GASK1A: variants seen among roughly 807,000 people sequenced by gnomAD.
GASK1A encodes Golgi-associated kinase 1A.
GASK1A carries 40 observed loss-of-function variants against 41.2 expected under a neutral mutation model. The observed-to-expected ratio is 0.97, with a 90% CI of 0.75 to 1.27. The LOEUF (loss-of-function observed/expected upper bound fraction) is 1.27, where lower values mean the gene tolerates loss of function less well. GASK1A is among the 50% of genes most tolerant of loss of function. The pLI is 0.00. For missense variants in GASK1A, 678 were observed against 745.1 expected, an observed-to-expected ratio of 0.91 and a Z score of 1.05; for synonymous variants, 316 against 307.1, an observed-to-expected ratio of 1.03 and a Z score of -0.30.
chr3:43,016,555 TGGAAGGGGCTGTGAGAGTTCACA>T (rs2089492370), intron 1 of GASK1A, among the ~76,000 whole-genome samples: 1 of 133,188 alleles, frequency 7.5e-6, no homozygotes, highest in Admixed American at 7.3e-5. Flanking sequence ...GTGAAGCCAC[TGGAAGGGGCTGTGAGAGTTCACA>T]GGAAGGGGCT....
chr3:43,028,160 T>A (rs2089554568), intron 1 of GASK1A, among the ~76,000 whole-genome samples: 1 of 152,244 alleles, frequency 6.6e-6, no homozygotes, highest in African/African-American at 2.4e-5. Context: ...AGTTGGAGCC[T>A]CTAGGTAGCT....
intron 1 of GASK1A, among the ~76,000 whole-genome samples, chr3:42,990,937 C>A (rs2089337568): frequency 6.6e-6 from 1 of 152,090 alleles, no homozygotes; most frequent in East Asian, 1.9e-4. Context: ...CCTGGGGGAA[C>A]TATGGGCATG....
intron 1 of GASK1A, among the ~76,000 whole-genome samples, chr3:43,002,745 G>A (rs1363651525): frequency 6.6e-6 from 1 of 152,084 alleles, no homozygotes; most frequent in East Asian, 1.9e-4. Flanking sequence ...TTATTAAAAT[G>A]AGTTTCAATT....
In GASK1A at chr3:42,984,386, G is replaced by A. The variant is rs1411304246; in HGVS notation, c.3+4741G>A. Among the ~76,000 whole-genome samples, 4 of 151,606 alleles carry A rather than the reference G, an allele frequency of 2.6e-5. No homozygotes were observed. Among genetic ancestry groups the A allele is most frequent in the East Asian group, 1.9e-4 (1 of 5,174 alleles). ...TATACTCATACACACACATGTGCAC[G>A]CACACACACACTCACGCATGCACAC... is the stretch of plus-strand genomic sequence containing the variant. On this transcript the variant is annotated intron_variant, in intron 1 of 4. Transcript: ENST00000430121. The surrounding 1 kb of genome is among the most constrained non-coding windows in gnomAD (Gnocchi z 4.2).
intron 2 of GASK1A, among the ~76,000 whole-genome samples, chr3:43,047,611 C>T (rs945050688): frequency 6.6e-5 from 10 of 152,178 alleles, no homozygotes; most frequent in South Asian, 2.1e-4. Flanking sequence ...TTCTATTCCA[C>T]GGTTGTTGAG....
At chr3:42,979,918 C>T (rs1324498928) in intron 1 of GASK1A, among the ~76,000 whole-genome samples, 6 of 152,112 alleles carry the variant, frequency 3.9e-5, no homozygotes. Context: ...GTAACCCACT[C>T]GCAACTCTGC....
intron 1 of GASK1A, among the ~76,000 whole-genome samples, chr3:43,006,105 C>A (rs2089434782): frequency 6.6e-6 from 1 of 152,046 alleles, no homozygotes; most frequent in Admixed American, 6.6e-5. Flanking sequence ...ATGTACTTAT[C>A]ACAAGCCAAC....
intron 1 of GASK1A, among the ~76,000 whole-genome samples, chr3:43,026,425 A>G (rs1467368932): frequency 6.6e-6 from 1 of 152,240 alleles, no homozygotes; most frequent in Non-Finnish European, 1.5e-5. Context: ...GACAAAGAAC[A>G]GCAATGTTTC....
In GASK1A at chr3:43,032,557, A is replaced by G. The variant is rs1339728446; in HGVS notation, c.294A>G (p.Arg98=). 1.3e-6 allele frequency: 2 copies of G among 1,550,176 alleles called. No homozygotes were observed. The highest frequency in any genetic ancestry group is 8.7e-7 in the Non-Finnish European group (1 of 1,145,778). The change falls in exon 2 of 5, where the codon AGA becomes AGG. Residue 98 remains arginine, a synonymous_variant. Coordinates refer to ENST00000430121, the MANE Select transcript of GASK1A (RefSeq NM_001129908.3). The stretch of plus-strand genomic sequence containing the variant: ...TCTGTGCTGAGGAGCAAGGCCATAG[A>G]GCAAGAGTGGACAGAAGCAGGGAGT... ...ILVCAEEQGH[R]ARVDRSRESP...
chr3:43,014,671 T>A (rs1367114503), intron 1 of GASK1A, among the ~76,000 whole-genome samples: 1 of 151,688 alleles, frequency 6.6e-6, no homozygotes, highest in African/African-American at 2.4e-5. Flanking sequence ...GAAGTGGCCA[T>A]GTGAAGTCAC....
At chr3:42,992,236 C>CT (rs2089345047) in intron 1 of GASK1A, among the ~76,000 whole-genome samples, 1 of 152,114 alleles carries the variant, frequency 6.6e-6, no homozygotes, top group Non-Finnish European at 1.5e-5. Context: ...TAATATCTTA[C>CT]TCGGTGTGGT....
intron 1 of GASK1A, among the ~76,000 whole-genome samples, chr3:43,017,744 C>T (rs9862469): frequency 0.18 from 27,133 of 150,430 alleles, 2,516 homozygotes; most frequent in Non-Finnish European, 0.2. Flanking sequence ...AGCGTGAAGC[C>T]ACAGGGGGCC....
chr3:42,996,126 G>T (rs1320295682), intron 1 of GASK1A, among the ~76,000 whole-genome samples: 1 of 151,838 alleles, frequency 6.6e-6, no homozygotes, highest in Non-Finnish European at 1.5e-5. Flanking sequence ...CAAACAGGGG[G>T]ACATAAGAGA....
chr3:43,010,383 T>C (rs2089457639), intron 1 of GASK1A, among the ~76,000 whole-genome samples: 1 of 152,256 alleles, frequency 6.6e-6, no homozygotes, highest in African/African-American at 2.4e-5. Flanking sequence ...TTCTTGAGGC[T>C]TTCTCAAATC....
intron 1 of GASK1A, among the ~76,000 whole-genome samples, chr3:42,994,354 G>A (rs1359293363): frequency 6.6e-6 from 1 of 152,200 alleles, no homozygotes; most frequent in South Asian, 2.1e-4. Context: ...GGCAGGAGCC[G>A]GGCCTAGGGG....
intron 2 of GASK1A, among the ~76,000 whole-genome samples, chr3:43,047,657 A>T (rs2089670731): frequency 6.6e-6 from 1 of 151,390 alleles, no homozygotes; most frequent in Non-Finnish European, 1.5e-5. Flanking sequence ...CTTCTCTCAT[A>T]CTCTTCTTCT....
chr3:43,054,129 C>T (rs180748087), intron 3 of GASK1A: 4 of 265,198 alleles, frequency 1.5e-5, no homozygotes, highest in Admixed American at 4.8e-5. Flanking sequence ...AGCAATGTGC[C>T]GAGGCCATTG....
At chr3:43,000,238 G>GAGACCAGTGTGGCCTT (rs6147800) in intron 1 of GASK1A, among the ~76,000 whole-genome samples, 20 of 151,998 alleles carry the variant, frequency 1.3e-4, no homozygotes, top group Admixed American at 1.3e-3. Flanking sequence ...GGGGCCGAGT[G>GAGACCAGTGTGGCCTT]TCCAATGCTT....
chr3:42,997,444 G>T (rs887692648), intron 1 of GASK1A, among the ~76,000 whole-genome samples: 6 of 151,714 alleles, frequency 4.0e-5, no homozygotes, highest in Admixed American at 2.0e-4. Flanking sequence ...GAGAGGGGGG[G>T]GGGATCTGGG....
Sources: allele counts gnomAD v4.1 joint callset (sites outside exome capture counted in the v4.1 genomes callset), GRCh38; gene constraint gnomAD v4.1.1; non-coding constraint Gnocchi (gnomAD v3.1); transcripts MANE v1.5; gene names NCBI Gene and HGNC (gene_info 2026-07-23, HGNC 2026-07-21).